Variants in GREB1 observed in about 807,000 individuals in gnomAD.
GREB1 encodes the protein protein GREB1.
Under a neutral mutation model 200.7 loss-of-function variants are expected in GREB1, and 106 were observed. The ratio of observed to expected loss-of-function variants is 0.53; its 90% CI spans 0.45 to 0.62. The LOEUF is 0.62. Ranked by LOEUF, GREB1 falls within the 20% of genes least tolerant of loss-of-function variation. The pLI, the probability that GREB1 is intolerant of heterozygous loss-of-function variation, is 0.00. For synonymous variants in GREB1, 1,132 were observed against 1,092.4 expected, an observed-to-expected ratio of 1.04 and a Z score of -0.72; for missense variants, 2,243 against 2,556.8, an observed-to-expected ratio of 0.88 and a Z score of 2.65.
chr2:11,635,361 C>G lies in GREB1; in HGVS notation c.5302C>G (p.Gln1768Glu). The change falls in exon 30 of 33, where the codon CAG (glutamine) becomes GAG (glutamate). Residue 1768 changes from glutamine to glutamate, a missense_variant. Around this residue, in one of 3 missense-constraint regions of GREB1, gnomAD observed 478 missense variants for 616.3 expected, o/e 0.78. Coordinates refer to ENST00000381486, the MANE Select transcript of GREB1 (RefSeq NM_014668.4). ...CAACCGCTTCAGCGTGATGAAGAAG[C>G]AGATCGTGGTGGGCGGCCACAGGTC... ...RFNRFSVMKK[Q>E]IVVGGHRSFH... 1 of 1,613,910 alleles carries G rather than the reference C, an allele frequency of 6.2e-7. No individual in the cohort carries two copies. The highest frequency in any genetic ancestry group is 8.5e-7 in the Non-Finnish European group (1 of 1,179,896).
At chr2:11,594,325 A>T in intron 11 of GREB1, among the ~76,000 whole-genome samples, 1 of 150,208 alleles carries the variant, frequency 6.7e-6, no homozygotes. Flanking sequence ...TGTACTTTTT[A>T]AGTATAGTGT....
chr2:11,583,567 A>T (rs897806718), intron 7 of GREB1, among the ~76,000 whole-genome samples: 1 of 152,202 alleles, frequency 6.6e-6, no homozygotes, highest in Non-Finnish European at 1.5e-5. Context: ...GTGCTTAAAA[A>T]TTACCAGGCT....
chr2:11,587,520 G>C (rs1228000700), intron 9 of GREB1: 9 of 1,568,232 alleles, frequency 5.7e-6, no homozygotes, highest in Admixed American at 5.5e-5. Context: ...GAAGCCCTGG[G>C]TGGCACCAGC....
chr2:11,560,555 G>T (rs930897110), intron 2 of GREB1, among the ~76,000 whole-genome samples: 2 of 152,098 alleles, frequency 1.3e-5, no homozygotes, highest in Admixed American at 6.5e-5. Context: ...ACAAAAATTC[G>T]TTGGGCGTAA....
In GREB1 at chr2:11,632,939, G is replaced by A. The variant is rs368641146; in HGVS notation, c.4867G>A (p.Glu1623Lys). ...KELSYHNLEL[E>K]RNRQEELGIK... Reference sequence around the variant, plus strand: ...GCTGTCCTACCATAACCTGGAGCTCGAGCGGAACCGGCAGGAGGAGCTGGG... The same window carrying A: ...GCTGTCCTACCATAACCTGGAGCTCAAGCGGAACCGGCAGGAGGAGCTGGG... The change falls in exon 28 of 33, where the codon GAG (glutamate) becomes AAG (lysine). Residue 1623 changes from glutamate (E) to lysine (K), a missense_variant. Glu to Lys is a moderately conservative substitution (Grantham distance 56). This residue lies in a region of GREB1 where 478 missense variants were observed against 616.3 expected (regional missense o/e 0.78). Coordinates refer to ENST00000381486, the MANE Select transcript of GREB1 (RefSeq NM_014668.4). The A allele has an allele frequency of 1.4e-5, 22 of 1,614,008 alleles. No individual in the cohort carries two copies. Among genetic ancestry groups the A allele is most frequent in the Middle Eastern group, 1.6e-4 (1 of 6,082 alleles).
At chr2:11,581,229 C>T (rs1190276302) in intron 7 of GREB1, 6 of 556,644 alleles carry the variant, frequency 1.1e-5, no homozygotes, top group Non-Finnish European at 1.6e-5. Flanking sequence ...AGTCAGGGGA[C>T]CTTGGCCAAG....
At position 11,632,056 on chromosome 2, in the gene GREB1, T is replaced by C. The variant is rs756360399; in HGVS notation, c.4759T>C (p.Tyr1587His). 13 of 1,613,946 alleles carry C rather than the reference T, an allele frequency of 8.1e-6. No individual in the cohort carries two copies. The South Asian group carries it at 1.3e-4, about 16-fold the overall frequency. The change falls in exon 27 of 33, where the codon TAT (tyrosine) becomes CAT (histidine). Residue 1587 changes from tyrosine (Y) to histidine (H), a missense_variant. Transcript: ENST00000381486. ...ATACGAGATGGCAATTTATAAGAAA[T>C]ATTGGCCCAACCACATCATGCTGGT... ...KEYEMAIYKK[Y>H]WPNHIMLVLP...
At chr2:11,605,356 G>C (rs1358768505) in intron 17 of GREB1, among the ~76,000 whole-genome samples, 3 of 151,452 alleles carry the variant, frequency 2.0e-5, no homozygotes, top group Non-Finnish European at 4.4e-5. Context: ...CTCCCAAGTA[G>C]CTGGAATTAC....
intron 1 of GREB1, among the ~76,000 whole-genome samples, chr2:11,483,903 G>C (rs529932918): frequency 1.1e-4 from 16 of 152,290 alleles, no homozygotes; most frequent in African/African-American, 3.8e-4. Context: ...ACTTTTATTA[G>C]AGAGTTAAGT....
intron 1 of GREB1, among the ~76,000 whole-genome samples, chr2:11,504,310 A>G (rs1673122478): frequency 6.6e-6 from 1 of 152,194 alleles, no homozygotes; most frequent in African/African-American, 2.4e-5. Flanking sequence ...TATTTTTGGA[A>G]TTTTTCATTT....
At chr2:11,516,707 C>G (rs1202973047) in intron 1 of GREB1, among the ~76,000 whole-genome samples, 1 of 152,204 alleles carries the variant, frequency 6.6e-6, no homozygotes, top group South Asian at 2.1e-4. Context: ...CAATTCCTGA[C>G]TCCCTGCAGG....
intron 4 of GREB1, among the ~76,000 whole-genome samples, chr2:11,570,727 G>A (rs898732737): frequency 1.3e-5 from 2 of 152,096 alleles, no homozygotes; most frequent in Non-Finnish European, 2.9e-5. Flanking sequence ...GTTTTAGGAA[G>A]ATCTCTTAGA....
intron 1 of GREB1, among the ~76,000 whole-genome samples, chr2:11,525,913 T>C (rs1351617439): frequency 6.6e-6 from 1 of 152,182 alleles, no homozygotes. Flanking sequence ...TTGTAAAGCT[T>C]TGGGCTGCGT....
In GREB1 at chr2:11,585,265, G is replaced by A; in HGVS notation, c.1006G>A (p.Ala336Thr). 5.2e-6 allele frequency: 8 copies of A among 1,533,894 alleles called. No individual in the cohort carries two copies. The highest frequency in any genetic ancestry group is 7.0e-6 in the Non-Finnish European group (8 of 1,140,042). Residue 336 changes from alanine to threonine, a missense_variant, in exon 8 of 33, where the codon GCT becomes ACT. Transcript: ENST00000381486. ...GGCPQGGGNRAKYESAGMSCV... is the reference protein window; with the variant it reads ...GGCPQGGGNRTKYESAGMSCV... ...CTGCCCCCAAGGTGGTGGGAACAGA[G>A]CTAAGTATGGTAAGTGATGGCAGCC... is the stretch of plus-strand genomic sequence containing the variant.
intron 1 of GREB1, among the ~76,000 whole-genome samples, chr2:11,545,859 G>A (rs910614365): frequency 6.6e-6 from 1 of 152,150 alleles, no homozygotes; most frequent in Non-Finnish European, 1.5e-5. Flanking sequence ...TACTTAAAAT[G>A]TTTGGGGTTT....
chr2:11,558,081 C>T (rs1487916226), intron 2 of GREB1, among the ~76,000 whole-genome samples: 1 of 152,210 alleles, frequency 6.6e-6, no homozygotes, highest in African/African-American at 2.4e-5. Flanking sequence ...CCACAAAGTG[C>T]TTTCACCTCA....
In GREB1 at chr2:11,620,963, G is replaced by A. The variant is rs779387056; in HGVS notation, c.4103G>A (p.Arg1368Gln). ...AGTGTCCTGTCCAGGATGCTTGTTC[G>A]GCTCACAGAAGTGGATGTCTATGAC... ...FLSVLSRMLV[R>Q]LTEVDVYDEE... Residue 1368 changes from arginine to glutamine, a missense_variant, in exon 23 of 33, where the codon CGG (arginine) becomes CAG (glutamine). Physicochemically the swap from Arg to Gln is conservative, Grantham distance 43. Around this residue, in one of 3 missense-constraint regions of GREB1, gnomAD observed 587 missense variants for 553.1 expected, o/e 1.06. Transcript: ENST00000381486. 3.1e-6 allele frequency: 5 copies of A among 1,612,776 alleles called. No individual in the cohort carries two copies. Among genetic ancestry groups the A allele is most frequent in the Admixed American group, 3.3e-5 (2 of 60,010 alleles).
intron 1 of GREB1, among the ~76,000 whole-genome samples, chr2:11,502,078 G>C (rs1370521329): frequency 6.6e-6 from 1 of 150,668 alleles, no homozygotes; most frequent in Non-Finnish European, 1.5e-5. Flanking sequence ...CACCACACCT[G>C]GCTAATTTTT....
In GREB1 at chr2:11,597,897, T is replaced by C. The variant is rs201308001; in HGVS notation, c.2071T>C (p.Phe691Leu). ...CACCCAAAATCTGGACCTGGGATCC[T>C]TTGAGAAGGTGGACTTTCTCATTTG... ...SSTQNLDLGSFEKVDFLICIP... is the reference protein window; with the variant it reads ...SSTQNLDLGSLEKVDFLICIP... The change falls in exon 14 of 33, where the codon TTT becomes CTT. Residue 691 changes from phenylalanine to leucine, a missense_variant. Phe to Leu is a conservative substitution (Grantham distance 22, BLOSUM62 0). This residue lies in a region of GREB1 where 1,178 missense variants were observed against 1,387.4 expected (regional missense o/e 0.85). Transcript: ENST00000381486. This position sits in a 1 kb window ranked among gnomAD's most constrained non-coding sequence, Gnocchi z 4.1. 38 of 1,614,028 alleles carry C rather than the reference T, an allele frequency of 2.4e-5. No individual in the cohort carries two copies. In the Admixed American group the frequency reaches 6.3e-4, roughly 27 times the overall value.
Sources: gnomAD v4.1 joint callset for allele counts (sites outside exome capture counted in the v4.1 genomes callset) on GRCh38, gnomAD v4.1.1 for gene constraint, gnomAD v4.1.1 regional missense constraint, Gnocchi (gnomAD v3.1) non-coding constraint, MANE v1.5 for transcripts, NCBI Gene and HGNC (gene_info 2026-07-23, HGNC 2026-07-21) for gene names.